TRPM7: variants seen among roughly 807,000 people sequenced by gnomAD.
The protein encoded by TRPM7 is LTRPC ion channel family member 7.
TRPM7 carries 134 observed loss-of-function variants against 229.7 expected under a neutral mutation model. The ratio of observed to expected loss-of-function variants is 0.58; its 90% CI spans 0.51 to 0.67. TRPM7 has a LOEUF of 0.67. TRPM7 is among the 30% of genes least tolerant of loss of function. The pLI, the probability that TRPM7 is intolerant of heterozygous loss-of-function variation, is 0.00. For missense variants in TRPM7, 1,901 were observed against 2,210.0 expected, an observed-to-expected ratio of 0.86 and a Z score of 2.80; for synonymous variants, 699 against 715.2, an observed-to-expected ratio of 0.98 and a Z score of 0.36.
At chr15:50,563,024 G>A (rs1184175034) in intron 38 of TRPM7, among the ~76,000 whole-genome samples, 3 of 152,172 alleles carry the variant, frequency 2.0e-5, no homozygotes, top group South Asian at 2.1e-4. Flanking sequence ...ATGGTAAGAA[G>A]ACAGTGTGGC....
chr15:50,566,365 C>T (rs185353714), intron 38 of TRPM7, among the ~76,000 whole-genome samples: 1 of 151,680 alleles, frequency 6.6e-6, no homozygotes, highest in Non-Finnish European at 1.5e-5. Flanking sequence ...TAAAACAATG[C>T]TTAGAGGGAA....
intron 33 of TRPM7, among the ~76,000 whole-genome samples, chr15:50,575,489 TTTAGAA>T (rs1218579365): frequency 9.9e-5 from 15 of 152,218 alleles, no homozygotes; most frequent in African/African-American, 3.4e-4. Context: ...TCAAGAACTT[TTTAGAA>T]TTAGAATATA....
At chr15:50,643,704 T>C in intron 4 of TRPM7, 151 bp from the exon 5 acceptor site, 1 of 602,242 alleles carries the variant, frequency 1.7e-6, no homozygotes, top group Non-Finnish European at 2.9e-6. Context: ...CTCCAAGGAA[T>C]AAGCAATAGT....
chr15:50,569,116 C>T (rs1161844052), intron 38 of TRPM7, among the ~76,000 whole-genome samples: 2 of 152,084 alleles, frequency 1.3e-5, no homozygotes, highest in Non-Finnish European at 1.5e-5. Context: ...GGCACTACAG[C>T]TTTGAACTCC....
Position 50,593,763 on chromosome 15 carries a change from A to G in TRPM7, c.3476-14T>C, listed in dbSNP as rs2059563442. On this transcript the variant is annotated splice_polypyrimidine_tract_variant and intron_variant, in intron 24 of 38. Coordinates refer to ENST00000646667, the MANE Select transcript of TRPM7 (RefSeq NM_017672.6). ...TTAAGAAAAGTTCTATGGGAGGAAA[A>G]GGAGAAGAAAATCAAGGAAGAGCTA... 6.3e-7 allele frequency: 1 copy of G among 1,593,650 alleles called. No homozygotes were observed. The highest frequency in any genetic ancestry group is 1.2e-5 in the South Asian group (1 of 85,714).
chr15:50,603,069 C>T (rs905673569), intron 21 of TRPM7, among the ~76,000 whole-genome samples: 2 of 151,990 alleles, frequency 1.3e-5, no homozygotes, highest in African/African-American at 2.4e-5. Context: ...CCTATTTTTC[C>T]TTGAAATACC....
rs1337712571 is a variant in TRPM7, at chr15:50,643,349, C to G, written c.526G>C (p.Val176Leu). The part of the protein sequence containing the change: ...TTGAWILTGG[V>L]NTGVAKHVGD... ...ATAATCATCACATTACCTGTGTTTA[C>G]TCCTCCAGTTAAAATCCAGGCTCCA... is the stretch of plus-strand genomic sequence containing the variant. The change falls in exon 5 of 39, where the codon GTA (valine) becomes CTA (leucine). Residue 176 changes from valine (V) to leucine (L), a missense_variant. Around this residue, in one of 8 missense-constraint regions of TRPM7, gnomAD observed 794 missense variants for 881.9 expected, o/e 0.90. Transcript: ENST00000646667. 1.2e-6 allele frequency: 2 copies of G among 1,613,152 alleles called. No individual in the cohort carries two copies. The highest frequency in any genetic ancestry group is 2.7e-5 in the African/African-American group (2 of 74,924).
intron 4 of TRPM7, among the ~76,000 whole-genome samples, chr15:50,645,279 T>A (rs1161617546): frequency 6.6e-6 from 1 of 152,160 alleles, no homozygotes; most frequent in East Asian, 1.9e-4. Flanking sequence ...CGGGCTCAAG[T>A]GATCTGCCTG....
At position 50,568,217 on chromosome 15, in the gene TRPM7, C is replaced by T. The variant is rs2053705072; in HGVS notation, c.5467+1670G>A. 2.0e-5 allele frequency among the ~76,000 whole-genome samples: 3 copies of T among 146,742 alleles called. No individual in the cohort carries two copies. In the South Asian group the frequency reaches 6.4e-4, roughly 32 times the overall value. The stretch of plus-strand genomic sequence containing the variant: ...TAACATCATCTTAATGGTGAAAAGA[C>T]AGAATGCCTTCCCCTTAACATCAGA... On this transcript the variant is annotated intron_variant, in intron 38 of 38. Transcript: ENST00000646667.
intron 4 of TRPM7, 57 bp from the exon 5 acceptor site, chr15:50,643,610 G>A: frequency 1.4e-6 from 2 of 1,480,324 alleles, no homozygotes; most frequent in Non-Finnish European, 1.9e-6. Context: ...GTTTCATAAT[G>A]TGACATTATA....
chr15:50,612,784 C>T lies in TRPM7; in HGVS notation c.1816G>A (p.Glu606Lys). The T allele has an allele frequency of 6.2e-7, 1 of 1,613,912 alleles. No individual in the cohort carries two copies. The highest frequency in any genetic ancestry group is 8.5e-7 in the Non-Finnish European group (1 of 1,179,978). The part of the protein sequence containing the change: ...EEGKKKRTKD[E>K]IVDIDDPETK... ...TCTGGATCATCAATGTCTACAATTT[C>T]ATCTTTGGTTCTTTTCTTCTTTCCT... The change falls in exon 16 of 39, where the codon GAA (glutamate) becomes AAA (lysine). Residue 606 changes from glutamate (E) to lysine (K), a missense_variant. Glu to Lys is a moderately conservative substitution (Grantham distance 56, BLOSUM62 1). Around this residue, in one of 8 missense-constraint regions of TRPM7, gnomAD observed 794 missense variants for 881.9 expected, o/e 0.90. Transcript: ENST00000646667.
In TRPM7 at chr15:50,619,679, A is replaced by T. The variant is rs12323950; in HGVS notation, c.1494+66T>A. On this transcript the variant is annotated intron_variant, in intron 13 of 38. Coordinates refer to ENST00000646667, the MANE Select transcript of TRPM7 (RefSeq NM_017672.6). ...AATGTATTTAAATGATTTTTTTTTT[A>T]AAAAACATGAAATATAAATGATTTT... 2.1e-3 allele frequency: 2,616 copies of T among 1,259,318 alleles called. 36 individuals are homozygous for T. In the African/African-American group the frequency reaches 0.032, roughly 15 times the overall value. The allele number at this position is 1,259,318 out of a possible 1,614,324, so 78.0% of individuals were successfully genotyped here. A position where few individuals can be genotyped will look rare whatever the true frequency, so the allele number is the denominator to read the frequency against.
intron 1 of TRPM7, among the ~76,000 whole-genome samples, chr15:50,685,903 C>T (rs2062349064): frequency 6.6e-6 from 1 of 152,112 alleles, no homozygotes; most frequent in Non-Finnish European, 1.5e-5. Flanking sequence ...ACAGAAGCCT[C>T]CCCCCACCCA....
chr15:50,663,641 G>A (rs2061794674), intron 1 of TRPM7, among the ~76,000 whole-genome samples: 1 of 152,104 alleles, frequency 6.6e-6, no homozygotes, highest in Admixed American at 6.6e-5. Flanking sequence ...ACCTTAAGAG[G>A]GGCTGGTATT....
At chr15:50,662,843 A>G (rs1318999189) in intron 2 of TRPM7, 124 bp downstream of exon 2, 6 of 743,394 alleles carry the variant, frequency 8.1e-6, no homozygotes, top group African/African-American at 1.8e-5. Flanking sequence ...ATTAACAGTA[A>G]TTATAAAAAG....
At chr15:50,651,995 C>T (rs556009045) in intron 3 of TRPM7, among the ~76,000 whole-genome samples, 1 of 151,776 alleles carries the variant, frequency 6.6e-6, no homozygotes, top group South Asian at 2.1e-4. Flanking sequence ...CTAAAAATAA[C>T]AGCAAATTAA....
chr15:50,575,254 T>A, intron 33 of TRPM7, 119 bp from the exon 34 acceptor site: 1 of 793,868 alleles, frequency 1.3e-6, no homozygotes, highest in Non-Finnish European at 1.9e-6. Context: ...GACCAAGATG[T>A]AGTTTTATAC....
chr15:50,575,643 C>T, intron 33 of TRPM7, 81 bp downstream of exon 33: 1 of 1,200,966 alleles, frequency 8.3e-7, no homozygotes, highest in African/African-American at 1.5e-5. Flanking sequence ...TTAATGTAAT[C>T]CCACCCACAT....
chr15:50,653,014 G>A (rs1413488978), intron 3 of TRPM7, among the ~76,000 whole-genome samples: 1 of 152,102 alleles, frequency 6.6e-6, no homozygotes, highest in Non-Finnish European at 1.5e-5. Context: ...AGCCAGGCAT[G>A]GTGGCATGCA....
Sources: gnomAD v4.1 joint callset for allele counts (sites outside exome capture counted in the v4.1 genomes callset) on GRCh38, gnomAD v4.1.1 for gene constraint, gnomAD v4.1.1 regional missense constraint, MANE v1.5 for transcripts, NCBI Gene and HGNC (gene_info 2026-07-23, HGNC 2026-07-21) for gene names.